GSG1L: variants seen among roughly 807,000 people sequenced by gnomAD.
GSG1L encodes the protein germ cell-specific gene 1-like protein.
In GSG1L, 24 loss-of-function variants were observed where a neutral mutation model predicts 42.1. The observed-to-expected ratio is 0.57, with a 90% CI of 0.41 to 0.80. GSG1L has a LOEUF of 0.80. Among genes scored for constraint, GSG1L ranks in the 30% least tolerant of loss-of-function variants. GSG1L has a pLI of 0.00. For missense variants in GSG1L, 445 were observed against 472.2 expected, an observed-to-expected ratio of 0.94 and a Z score of 0.53; for synonymous variants, 215 against 203.5, an observed-to-expected ratio of 1.06 and a Z score of -0.48.
intron 6 of GSG1L, among the ~76,000 whole-genome samples, chr16:27,797,623 C>A (rs1355588173): frequency 6.6e-6 from 1 of 151,226 alleles, no homozygotes; most frequent in African/African-American, 2.4e-5. Flanking sequence ...GAGATCGAGA[C>A]CATCCTGGCT....
At chr16:27,870,199 G>T (rs1411311175) in intron 3 of GSG1L, among the ~76,000 whole-genome samples, 2 of 113,824 alleles carry the variant, frequency 1.8e-5, no homozygotes, top group East Asian at 2.6e-4. Context: ...CTCTGTCTCT[G>T]TCTCCTTCTG....
At chr16:27,886,003 A>G (rs1369756118) in intron 2 of GSG1L, among the ~76,000 whole-genome samples, 3 of 152,138 alleles carry the variant, frequency 2.0e-5, no homozygotes, top group Non-Finnish European at 4.4e-5. Flanking sequence ...CTCTGTCTAC[A>G]TGGATGCTTT....
chr16:27,899,393 C>A (rs377428389), intron 2 of GSG1L, among the ~76,000 whole-genome samples: 26 of 152,052 alleles, frequency 1.7e-4, no homozygotes, highest in African/African-American at 6.0e-4. Flanking sequence ...TCACCTGACT[C>A]ACAGGTGAGG....
chr16:27,934,850 A>G (rs898646062), intron 2 of GSG1L, among the ~76,000 whole-genome samples: 20 of 152,236 alleles, frequency 1.3e-4, no homozygotes, highest in African/African-American at 4.3e-4. Flanking sequence ...TGATCTATGC[A>G]TAACACCTGG....
chr16:27,869,629 TCTCCATCTCTCTCTCCTCTCTGTCTTC>T (rs1415267387), intron 3 of GSG1L, among the ~76,000 whole-genome samples: 2 of 111,508 alleles, frequency 1.8e-5, no homozygotes, highest in Admixed American at 8.7e-5. Context: ...CCTCTCTGCG[TCTCCATCTCTCTCTCCTCTCTGTCTTC>T]CTCCATCTCT....
Position 28,059,932 on chromosome 16 carries a change from T to C in GSG1L, c.349+3144A>G, listed in dbSNP as rs1475242628. 6.6e-6 allele frequency among the ~76,000 whole-genome samples: 1 copy of C among 152,180 alleles called. No individual in the cohort carries two copies. The highest frequency in any genetic ancestry group is 1.5e-5 in the Non-Finnish European group (1 of 68,034). On this transcript the variant is annotated intron_variant, in intron 1 of 6. Coordinates refer to ENST00000447459, the MANE Select transcript of GSG1L (RefSeq NM_001109763.2). This position sits in a 1 kb window ranked among gnomAD's most constrained non-coding sequence, Gnocchi z 4.4. ...GATTTTTAGTGTGGGAAAAAGGGCT[T>C]ATTACATTTCCCTGTGGCTGCCCGA...
intron 5 of GSG1L, among the ~76,000 whole-genome samples, chr16:27,819,388 C>T (rs2083127875): frequency 6.6e-6 from 1 of 152,180 alleles, no homozygotes; most frequent in Non-Finnish European, 1.5e-5. Context: ...CCCAAAACCC[C>T]ATCCCCATCT....
At chr16:27,821,742 A>C (rs1465819780) in intron 5 of GSG1L, among the ~76,000 whole-genome samples, 2 of 151,874 alleles carry the variant, frequency 1.3e-5, no homozygotes, top group Non-Finnish European at 2.9e-5. Flanking sequence ...CTACTAAAAA[A>C]ATACAAAAAA....
At chr16:27,966,455 T>C (rs961253404) in intron 1 of GSG1L, among the ~76,000 whole-genome samples, 3 of 152,004 alleles carry the variant, frequency 2.0e-5, no homozygotes, top group African/African-American at 4.8e-5. Context: ...CAGTAAGCTG[T>C]ACTCCAGCCT....
At chr16:27,851,440 C>T (rs149802876) in intron 3 of GSG1L, among the ~76,000 whole-genome samples, 29 of 152,198 alleles carry the variant, frequency 1.9e-4, no homozygotes, top group African/African-American at 6.3e-4. Flanking sequence ...AAGAGATCCT[C>T]CTGCCACAGT....
At chr16:27,846,037 G>A (rs2083439748) in intron 3 of GSG1L, among the ~76,000 whole-genome samples, 1 of 151,856 alleles carries the variant, frequency 6.6e-6, no homozygotes, top group South Asian at 2.1e-4. Flanking sequence ...TAAGTAGCTG[G>A]GACTACAAGC....
intron 2 of GSG1L, among the ~76,000 whole-genome samples, chr16:27,940,879 TAAAAATA>T (rs1478489024): frequency 6.7e-6 from 1 of 148,616 alleles, no homozygotes; most frequent in Non-Finnish European, 1.5e-5. Flanking sequence ...TAAAATAAAA[TAAAAATA>T]AAAAATAAAT....
At chr16:27,843,388 A>G (rs1299816726) in intron 4 of GSG1L, among the ~76,000 whole-genome samples, 1 of 152,012 alleles carries the variant, frequency 6.6e-6, no homozygotes, top group Non-Finnish European at 1.5e-5. Context: ...AATGAAAGTC[A>G]TAACCAGGAT....
rs116693870 is a variant in GSG1L, at chr16:27,829,672, A to G, written c.663-716T>C. On this transcript the variant is annotated intron_variant, in intron 4 of 6. Transcript: ENST00000447459. ...AGTGATCCTCCTGCCTCAGCCTCCC[A>G]AAGTACTGGGATTATAGGTATGTGC... Among the ~76,000 whole-genome samples, 1,175 of 152,172 alleles carry G rather than the reference A, an allele frequency of 7.7e-3. 16 individuals carry two copies. Among genetic ancestry groups the G allele is most frequent in the African/African-American group, 0.026 (1,088 of 41,504 alleles).
intron 2 of GSG1L, among the ~76,000 whole-genome samples, chr16:27,890,166 A>G (rs866684873): frequency 2.6e-5 from 4 of 152,132 alleles, no homozygotes; most frequent in African/African-American, 7.2e-5. Flanking sequence ...CTCTTATTCA[A>G]GATATTCTCT....
chr16:27,984,074 G>A (rs188373319), intron 1 of GSG1L, among the ~76,000 whole-genome samples: 40 of 152,288 alleles, frequency 2.6e-4, no homozygotes, highest in Non-Finnish European at 5.4e-4. Flanking sequence ...GACCAGCTAC[G>A]CATGGTTTTT....
chr16:27,974,438 A>G (rs1341525490), intron 1 of GSG1L, among the ~76,000 whole-genome samples: 1 of 152,168 alleles, frequency 6.6e-6, no homozygotes, highest in East Asian at 1.9e-4. Flanking sequence ...AAAACTTCAT[A>G]CGACCCAGGG....
At chr16:27,953,578 A>C (rs1341526705) in intron 2 of GSG1L, among the ~76,000 whole-genome samples, 1 of 152,128 alleles carries the variant, frequency 6.6e-6, no homozygotes, top group Non-Finnish European at 1.5e-5. Flanking sequence ...GCACCAATGC[A>C]AAAGGTATTT....
chr16:27,939,148 G>A (rs1410308629), intron 2 of GSG1L, among the ~76,000 whole-genome samples: 1 of 151,942 alleles, frequency 6.6e-6, no homozygotes, highest in Admixed American at 6.6e-5. Context: ...TTGAGACAGG[G>A]TTTCGCTCCG....
Sources: gnomAD v4.1 joint callset for allele counts (sites outside exome capture counted in the v4.1 genomes callset) on GRCh38, gnomAD v4.1.1 for gene constraint, Gnocchi (gnomAD v3.1) non-coding constraint, MANE v1.5 for transcripts, NCBI Gene and HGNC (gene_info 2026-07-23, HGNC 2026-07-21) for gene names.